Variants in C8orf34 observed in about 807,000 individuals in gnomAD.
C8orf34 encodes the protein uncharacterized protein C8orf34.
A neutral mutation model predicts 68.3 loss-of-function variants in C8orf34; 65 were observed. That is an observed-to-expected ratio of 0.95 (90% confidence interval 0.78 to 1.17). The LOEUF (loss-of-function observed/expected upper bound fraction) is 1.17, where lower values mean the gene tolerates loss of function less well. C8orf34 is among the 50% of genes most tolerant of loss of function. C8orf34 has a pLI of 0.00. For synonymous variants in C8orf34, 244 were observed against 241.2 expected (o/e 1.01, Z -0.11); for missense variants, 664 against 655.4 (o/e 1.01, Z -0.14).
At chr8:68,703,338 G>C (rs1051578146) in intron 8 of C8orf34, among the ~76,000 whole-genome samples, 1 of 151,956 alleles carries the variant, frequency 6.6e-6, no homozygotes, top group Admixed American at 6.6e-5. Context: ...AGATCTCACT[G>C]GCCAGTATAA....
intron 1 of C8orf34, among the ~76,000 whole-genome samples, chr8:68,353,910 A>G (rs1444670574): frequency 6.6e-6 from 1 of 151,864 alleles, no homozygotes; most frequent in African/African-American, 2.4e-5. Context: ...TTATATAAGG[A>G]ACTTGAGATC....
chr8:68,562,994 T>C (rs1816480003), intron 7 of C8orf34, among the ~76,000 whole-genome samples: 1 of 152,222 alleles, frequency 6.6e-6, no homozygotes, highest in African/African-American at 2.4e-5. Context: ...GGCACAGCAC[T>C]ATAATTTTTT....
intron 1 of C8orf34, 58 bp from the exon 2 acceptor site, chr8:68,439,440 CT>C (rs1308697063): frequency 1.2e-5 from 18 of 1,532,132 alleles, no homozygotes; most frequent in Non-Finnish European, 1.5e-5. Flanking sequence ...TAAGTAAGTG[CT>C]TGCTATTACT....
chr8:68,807,297 A>G (rs1412295389), intron 12 of C8orf34, among the ~76,000 whole-genome samples: 1 of 152,222 alleles, frequency 6.6e-6, no homozygotes, highest in Non-Finnish European at 1.5e-5. Flanking sequence ...CAAAGCCTTC[A>G]ATTACACATA....
chr8:68,707,835 C>T (rs1028245463), intron 8 of C8orf34, among the ~76,000 whole-genome samples: 2 of 152,132 alleles, frequency 1.3e-5, no homozygotes, highest in Non-Finnish European at 2.9e-5. Context: ...ATATTTAATG[C>T]ACCTCTGTAC....
rs546091813 is a variant in C8orf34 at position 68,456,263 on chromosome 8, A to C, written c.607+9803A>C. Among the ~76,000 whole-genome samples, 24 of 152,002 alleles carry C rather than the reference A, an allele frequency of 1.6e-4. No individual in the cohort carries two copies. The East Asian group carries it at 3.5e-3, about 22-fold the overall frequency. On this transcript the variant is annotated intron_variant, in intron 3 of 13. Coordinates refer to ENST00000518698, the MANE Select transcript of C8orf34 (RefSeq NM_052958.4). ...AGAGCGACACTCTGTCTGAAAAAAA[A>C]AAAAATTTTCTGTCTAAAATTTACT...
intron 1 of C8orf34, among the ~76,000 whole-genome samples, chr8:68,395,378 C>T (rs1337775731): frequency 6.6e-6 from 1 of 151,484 alleles, no homozygotes; most frequent in Non-Finnish European, 1.5e-5. Flanking sequence ...CACACACACA[C>T]ACACACACAC....
intron 7 of C8orf34, among the ~76,000 whole-genome samples, chr8:68,561,618 C>T (rs562503327): frequency 4.6e-5 from 7 of 151,876 alleles, no homozygotes; most frequent in Admixed American, 1.3e-4. Flanking sequence ...ATTAGCTGGA[C>T]GTGGTGGCAG....
chr8:68,708,284 C>T (rs1329311368), intron 8 of C8orf34, among the ~76,000 whole-genome samples: 1 of 152,054 alleles, frequency 6.6e-6, no homozygotes, highest in Admixed American at 6.5e-5. Flanking sequence ...TGCATATATG[C>T]TTGAATTTGT....
At chr8:68,420,395 A>T (rs1236856375) in intron 1 of C8orf34, among the ~76,000 whole-genome samples, 1 of 152,174 alleles carries the variant, frequency 6.6e-6, no homozygotes, top group Non-Finnish European at 1.5e-5. Context: ...TTTGAAATTG[A>T]TTCAAAATGA....
intron 12 of C8orf34, among the ~76,000 whole-genome samples, chr8:68,804,915 G>T (rs1165330964): frequency 6.6e-6 from 1 of 152,156 alleles, no homozygotes; most frequent in African/African-American, 2.4e-5. Context: ...CTTAGCTGAG[G>T]CTCCTTATGG....
rs187031463 is a variant in C8orf34, at chr8:68,746,090, A to T, written c.1404+24653A>T. 1.5e-3 allele frequency among the ~76,000 whole-genome samples: 234 copies of T among 152,280 alleles called. 5 individuals are homozygous for T. The East Asian group carries it at 0.04, about 26-fold the overall frequency. On this transcript the variant is annotated intron_variant, in intron 10 of 13. Transcript: ENST00000518698. ...CTCAGGATTAAGAATCTCACTCAAA[A>T]CCACTCAATTACATGGAAGCTGAAC...
chr8:68,685,405 T>G (rs1317664701), intron 8 of C8orf34, among the ~76,000 whole-genome samples: 1 of 152,066 alleles, frequency 6.6e-6, no homozygotes, highest in East Asian at 1.9e-4. Context: ...CAACTAAGAC[T>G]CAAAGTAATA....
chr8:68,352,300 G>A (rs966904110), intron 1 of C8orf34, among the ~76,000 whole-genome samples: 1 of 152,040 alleles, frequency 6.6e-6, no homozygotes, highest in Non-Finnish European at 1.5e-5. Flanking sequence ...ATATTAAAAT[G>A]TGGGCCTACT....
chr8:68,534,581 GA>G (rs779929628), intron 7 of C8orf34: 121 of 967,266 alleles, frequency 1.3e-4, no homozygotes, highest in Non-Finnish European at 1.5e-4. Context: ...ATGTTTCCTA[GA>G]GAAGCCGATT....
chr8:68,737,091 T>A (rs1195032316), intron 10 of C8orf34, among the ~76,000 whole-genome samples: 1 of 152,132 alleles, frequency 6.6e-6, no homozygotes, highest in Admixed American at 6.6e-5. Flanking sequence ...TAACTCAGGA[T>A]GGCTTTGGAA....
At chr8:68,536,944 T>C (rs891757868) in intron 7 of C8orf34, among the ~76,000 whole-genome samples, 1 of 152,118 alleles carries the variant, frequency 6.6e-6, no homozygotes, top group African/African-American at 2.4e-5. Context: ...AGTCATTGAG[T>C]TTCTATTACC....
chr8:68,765,950 C>G (rs1823160047), intron 10 of C8orf34, among the ~76,000 whole-genome samples: 3 of 152,072 alleles, frequency 2.0e-5, no homozygotes, highest in African/African-American at 7.2e-5. Flanking sequence ...TGTTCTATAA[C>G]CTTTTAATGT....
At chr8:68,426,372 G>T (rs1810215070) in intron 1 of C8orf34, among the ~76,000 whole-genome samples, 1 of 151,490 alleles carries the variant, frequency 6.6e-6, no homozygotes, top group Admixed American at 6.6e-5. Flanking sequence ...TGCAAAAATT[G>T]CCTGGGCATG....
Sources: allele counts gnomAD v4.1 joint callset (sites outside exome capture counted in the v4.1 genomes callset), GRCh38; gene constraint gnomAD v4.1.1; transcripts MANE v1.5; gene names NCBI Gene and HGNC (gene_info 2026-07-23, HGNC 2026-07-21).